FHL2: variants seen among roughly 807,000 people sequenced by gnomAD.
FHL2 encodes four and a half LIM domains 2.
A neutral mutation model predicts 32.7 loss-of-function variants in FHL2; 20 were observed. The ratio of observed to expected loss-of-function variants is 0.61; its 90% CI spans 0.43 to 0.89. FHL2 has a LOEUF of 0.89. FHL2 is among the 40% of genes least tolerant of loss of function. FHL2 has a pLI of 0.00. For missense variants in FHL2, 311 were observed against 358.6 expected (o/e 0.87, Z 1.07); for synonymous variants, 123 against 128.1 (o/e 0.96, Z 0.27).
At chr2:105,395,973 C>A (rs538652696) in intron 2 of FHL2, among the ~76,000 whole-genome samples, 1 of 152,230 alleles carries the variant, frequency 6.6e-6, no homozygotes, top group South Asian at 2.1e-4. Flanking sequence ...CCAGACCCCT[C>A]GTGACATCCC....
chr2:105,362,131 T>G (rs890679930), intron 6 of FHL2, among the ~76,000 whole-genome samples: 1 of 152,228 alleles, frequency 6.6e-6, no homozygotes, highest in African/African-American at 2.4e-5. Context: ...AGCTTAATGT[T>G]ATAAACATTT....
At chr2:105,415,304 T>C (rs890413372) in intron 1 of FHL2, among the ~76,000 whole-genome samples, 18 of 152,190 alleles carry the variant, frequency 1.2e-4, no homozygotes, top group African/African-American at 3.4e-4. Flanking sequence ...TGTGTGGCTA[T>C]TATACATGTT....
intron 1 of FHL2, among the ~76,000 whole-genome samples, chr2:105,420,489 T>C (rs1684068521): frequency 1.3e-5 from 2 of 152,072 alleles, no homozygotes; most frequent in African/African-American, 4.8e-5. Flanking sequence ...CTTCAGCATA[T>C]CAATTTGGGG....
upstream of FHL2, among the ~76,000 whole-genome samples, chr2:105,404,063 C>T (rs1430164991): frequency 6.6e-6 from 1 of 152,142 alleles, no homozygotes; most frequent in Non-Finnish European, 1.5e-5. Flanking sequence ...GCCTCCTACC[C>T]GGATGGGGGC....
intron 1 of FHL2, among the ~76,000 whole-genome samples, chr2:105,422,726 T>C (rs1684141442): frequency 6.6e-6 from 1 of 152,030 alleles, no homozygotes; most frequent in Non-Finnish European, 1.5e-5. Context: ...GCCACGAGAT[T>C]GCATCTTTAG....
At chr2:105,404,011 G>A (rs11124030), upstream of FHL2, among the ~76,000 whole-genome samples, 1 of 152,112 alleles carries the variant, frequency 6.6e-6, no homozygotes, top group Non-Finnish European at 1.5e-5. Flanking sequence ...TCGTGGGGGG[G>A]AGGCTGGTGG....
chr2:105,406,399 A>G (rs1558723359), intron 1 of FHL2, among the ~76,000 whole-genome samples: 1 of 151,896 alleles, frequency 6.6e-6, no homozygotes, highest in Non-Finnish European at 1.5e-5. Flanking sequence ...GTGAATCACC[A>G]TCAGATATCT....
chr2:105,422,644 G>A (rs1386798338), intron 1 of FHL2, among the ~76,000 whole-genome samples: 32 of 83,454 alleles, frequency 3.8e-4, no homozygotes, highest in African/African-American at 1.7e-3. Context: ...ATTCATCTCT[G>A]GCAAAAAAAA....
At chr2:105,393,168 C>A (rs952644976) in intron 2 of FHL2, among the ~76,000 whole-genome samples, 3 of 152,048 alleles carry the variant, frequency 2.0e-5, no homozygotes, top group Non-Finnish European at 2.9e-5. Flanking sequence ...TTCAATGCAC[C>A]TTTTATTGAC....
At position 105,361,044 on chromosome 2, in the gene FHL2, C is replaced by T. The variant is rs956979827; in HGVS notation, c.*239G>A. ...TTTTTACATTTGGGTGTGCCTTACT[C>T]GATTACAAAAATTTCAAACCATCTT... On this transcript the variant is annotated 3_prime_UTR_variant, in exon 7 of 7. Coordinates refer to ENST00000530340, the MANE Select transcript of FHL2 (RefSeq NM_001318895.3). 4 of 395,126 alleles carry T rather than the reference C, an allele frequency of 1.0e-5. No individual in the cohort carries two copies. Among genetic ancestry groups the T allele is most frequent in the African/African-American group, 2.0e-5 (1 of 48,834 alleles). The allele number at this position is 395,126 out of a possible 1,614,324, so 24.5% of individuals were successfully genotyped here.
chr2:105,374,112 C>T, intron 3 of FHL2: 2 of 298,138 alleles, frequency 6.7e-6, no homozygotes, highest in South Asian at 6.6e-5. Flanking sequence ...TGCAGGACAT[C>T]CTTGGCTGAG....
At position 105,383,485 on chromosome 2, in the gene FHL2, T is replaced by A. The variant is rs1292392367; in HGVS notation, c.156+2876A>T. Among the ~76,000 whole-genome samples, 4 of 152,238 alleles carry A rather than the reference T, an allele frequency of 2.6e-5. No individual in the cohort carries two copies. The East Asian group carries it at 7.7e-4, about 29-fold the overall frequency. On this transcript the variant is annotated intron_variant, in intron 3 of 6. Coordinates refer to ENST00000530340, the MANE Select transcript of FHL2 (RefSeq NM_001318895.3). Reference sequence around the variant, plus strand: ...CTACATAGAGAGGATGTTCAAACTATATAACAGGCTCTGAAGTCTTGCCTG... The same window carrying A: ...CTACATAGAGAGGATGTTCAAACTAAATAACAGGCTCTGAAGTCTTGCCTG...
At position 105,361,156 on chromosome 2, in the gene FHL2, A is replaced by T; in HGVS notation, c.*127T>A. 1.1e-6 allele frequency: 1 copy of T among 926,394 alleles called. No homozygotes were observed. The highest frequency in any genetic ancestry group is 2.3e-5 in the Admixed American group (1 of 42,560). The allele number at this position is 926,394 out of a possible 1,614,324, so 57.4% of individuals were successfully genotyped here. A position where few individuals can be genotyped will look rare whatever the true frequency, so the allele number is the denominator to read the frequency against. On this transcript the variant is annotated 3_prime_UTR_variant, in exon 7 of 7. Transcript: ENST00000530340. ...AAGGGTTTAAGCAAACGTGAGTATC[A>T]CTGAAAAGCACTAGAAGAAAGTCTC...
At chr2:105,408,443 C>T (rs1683700630) in intron 1 of FHL2, among the ~76,000 whole-genome samples, 1 of 152,242 alleles carries the variant, frequency 6.6e-6, no homozygotes, top group African/African-American at 2.4e-5. Flanking sequence ...CACTTTCCAA[C>T]CAAGACTGGA....
intron 2 of FHL2, among the ~76,000 whole-genome samples, chr2:105,388,828 C>T (rs1324268594): frequency 1.5e-5 from 2 of 130,582 alleles, no homozygotes; most frequent in Non-Finnish European, 1.6e-5. Context: ...AGCGAGACTC[C>T]GTCTCAAAAA....
At chr2:105,397,003 C>A in intron 1 of FHL2, 7 of 166,520 alleles carry the variant, frequency 4.2e-5, no homozygotes, top group Non-Finnish European at 6.5e-5. Context: ...CTCCTGATAT[C>A]TAGTCTGTTT....
chr2:105,420,773 T>G (rs1684077708), intron 1 of FHL2, among the ~76,000 whole-genome samples: 1 of 152,148 alleles, frequency 6.6e-6, no homozygotes, highest in Non-Finnish European at 1.5e-5. Flanking sequence ...GCATGCAACC[T>G]AGATCCCTCA....
chr2:105,428,375 T>C (rs1243802208), intron 1 of FHL2, among the ~76,000 whole-genome samples: 1 of 152,176 alleles, frequency 6.6e-6, no homozygotes, highest in Non-Finnish European at 1.5e-5. Context: ...CAGCTTCTAG[T>C]TTCCCTGCAA....
intron 3 of FHL2, chr2:105,376,889 A>T (rs751443901): frequency 3.3e-5 from 5 of 152,222 alleles, no homozygotes; most frequent in African/African-American, 1.2e-4. Flanking sequence ...TGAGGACATG[A>T]CGTTAAGTGA....
Sources: gnomAD v4.1 joint callset for allele counts (sites outside exome capture counted in the v4.1 genomes callset) on GRCh38, gnomAD v4.1.1 for gene constraint, MANE v1.5 for transcripts, NCBI Gene and HGNC (gene_info 2026-07-23, HGNC 2026-07-21) for gene names.